NECAB1: variants seen among roughly 807,000 people sequenced by gnomAD.
NECAB1 encodes N-terminal EF-hand calcium binding protein 1.
NECAB1 carries 29 observed loss-of-function variants against 57.5 expected under a neutral mutation model. The observed-to-expected ratio is 0.50, with a 90% confidence interval of 0.38 to 0.69. The LOEUF is 0.69. NECAB1 is among the 30% of genes least tolerant of loss of function. The pLI, the probability that NECAB1 is intolerant of heterozygous loss-of-function variation, is 0.00. For missense variants in NECAB1, 372 were observed against 413.8 expected, an observed-to-expected ratio of 0.90 and a Z score of 0.88; for synonymous variants, 142 against 147.7, an observed-to-expected ratio of 0.96 and a Z score of 0.28.
intron 12 of NECAB1, among the ~76,000 whole-genome samples, chr8:90,955,108 TAAATTATATATATATATATA>T (rs1811002891): frequency 1.4e-5 from 1 of 73,494 alleles, no homozygotes; most frequent in Admixed American, 1.7e-4. Flanking sequence ...ATTGGGTATA[TAAATTATATATATATATATA>T]TATATATATA....
rs190678963 is a variant in NECAB1 at position 90,802,317 on chromosome 8, G to A, written c.124+602G>A. On this transcript the variant is annotated intron_variant, in intron 2 of 12. Transcript: ENST00000417640. ...CAGAGAAGTAGGAGATGGCAACCTCGAAGTAAAAACTTGCTCTGTTGATTT... is the reference window on the plus strand; with the variant it reads ...CAGAGAAGTAGGAGATGGCAACCTCAAAGTAAAAACTTGCTCTGTTGATTT... Among the ~76,000 whole-genome samples the A allele has an allele frequency of 1.3e-3, 193 of 152,278 alleles. 1 individual carries two copies. The highest frequency in any genetic ancestry group is 5.9e-5 in the Non-Finnish European group (4 of 68,014).
At chr8:90,889,520 G>C (rs1441298462) in intron 5 of NECAB1, among the ~76,000 whole-genome samples, 1 of 152,194 alleles carries the variant, frequency 6.6e-6, no homozygotes, top group Non-Finnish European at 1.5e-5. Context: ...AGTTTCTGTG[G>C]GTCAGGAATC....
chr8:90,932,932 A>G (rs1375966393), intron 8 of NECAB1, among the ~76,000 whole-genome samples: 3 of 152,166 alleles, frequency 2.0e-5, no homozygotes, highest in Admixed American at 6.5e-5. Context: ...TAAGGTCTTA[A>G]TTCTCAAAAG....
intron 10 of NECAB1, among the ~76,000 whole-genome samples, chr8:90,943,607 G>C (rs931534873): frequency 6.6e-6 from 1 of 152,188 alleles, no homozygotes; most frequent in African/African-American, 2.4e-5. Context: ...ATTGCCTAGT[G>C]CTTGGCTGAG....
chr8:90,873,357 T>G (rs766138268), intron 4 of NECAB1, among the ~76,000 whole-genome samples: 4 of 152,214 alleles, frequency 2.6e-5, no homozygotes, highest in Non-Finnish European at 4.4e-5. Flanking sequence ...CACAGTCAGA[T>G]AGTAGCATTG....
chr8:90,890,039 C>G (rs1272366051), intron 5 of NECAB1, among the ~76,000 whole-genome samples: 1 of 151,926 alleles, frequency 6.6e-6, no homozygotes, highest in Non-Finnish European at 1.5e-5. Flanking sequence ...TTATATCTAC[C>G]CCATTAAAAG....
At chr8:90,906,876 C>T (rs67442010) in intron 5 of NECAB1, among the ~76,000 whole-genome samples, 66,931 of 121,570 alleles carry the variant, frequency 0.55, 20,551 homozygotes, top group African/African-American at 0.86. Flanking sequence ...ATGATATACA[C>T]ATATATATAT....
At chr8:90,810,718 A>G (rs1811944677) in intron 2 of NECAB1, among the ~76,000 whole-genome samples, 1 of 152,158 alleles carries the variant, frequency 6.6e-6, no homozygotes, top group Non-Finnish European at 1.5e-5. Flanking sequence ...GAGCCCTTAC[A>G]AAATTTTACG....
At chr8:90,939,558 TTA>T (rs1810620732) in intron 9 of NECAB1, among the ~76,000 whole-genome samples, 1 of 152,190 alleles carries the variant, frequency 6.6e-6, no homozygotes, top group Non-Finnish European at 1.5e-5. Flanking sequence ...GTGGATGTAT[TTA>T]TATATCTCAT....
chr8:90,866,693 C>T (rs4735419), intron 3 of NECAB1, among the ~76,000 whole-genome samples: 63,170 of 151,978 alleles, frequency 0.42, 14,978 homozygotes, highest in East Asian at 0.77. Context: ...TGATACTGGT[C>T]ATTAGAGAAA....
At chr8:90,862,586 G>A (rs1205201912) in intron 3 of NECAB1, among the ~76,000 whole-genome samples, 2 of 152,062 alleles carry the variant, frequency 1.3e-5, no homozygotes. Flanking sequence ...GACATATGCA[G>A]GCTATTGAAG....
In NECAB1 at chr8:90,957,980, G is replaced by C. The variant is rs1811062668; in HGVS notation, c.*2468G>C. 6.6e-6 allele frequency: 1 copy of C among 150,866 alleles called. No homozygotes were observed. Among genetic ancestry groups the C allele is most frequent in the Non-Finnish European group, 1.5e-5 (1 of 67,556 alleles). The allele number at this position is 150,866 out of a possible 1,614,324, so 9.3% of individuals were successfully genotyped here. A position where few individuals can be genotyped will look rare whatever the true frequency, so the allele number is the denominator to read the frequency against. On this transcript the variant is annotated 3_prime_UTR_variant, in exon 13 of 13. Transcript: ENST00000417640. ...TACTGGTTTAGGAGTTCAAAATTCA[G>C]TGAAACAAACTTTTTGCCAATAGAC...
rs1811068726 is a variant in NECAB1 at position 90,958,301 on chromosome 8, T to C, written c.*2789T>C. The C allele has an allele frequency of 6.6e-6, 1 of 151,694 alleles. No individual in the cohort carries two copies. The highest frequency in any genetic ancestry group is 2.4e-5 in the African/African-American group (1 of 41,406). The allele number at this position is 151,694 out of a possible 1,614,324, so 9.4% of individuals were successfully genotyped here. On this transcript the variant is annotated 3_prime_UTR_variant, in exon 13 of 13. Transcript: ENST00000417640. ...TTTTACTTTGAAATTGCTCAACTTC[T>C]GCTATTCATATGGTCTGATTAGTGA...
intron 3 of NECAB1, among the ~76,000 whole-genome samples, chr8:90,841,447 A>G (rs1204489297): frequency 6.6e-6 from 1 of 152,224 alleles, no homozygotes; most frequent in Admixed American, 6.5e-5. Context: ...AAGATGCAAT[A>G]GTACCTTGTA....
chr8:90,825,443 A>G (rs1313078349), intron 3 of NECAB1, among the ~76,000 whole-genome samples: 1 of 151,894 alleles, frequency 6.6e-6, no homozygotes, highest in Non-Finnish European at 1.5e-5. Flanking sequence ...TAGGGTATAG[A>G]GCAATAGAAA....
chr8:90,918,002 G>GTA (rs1291053420), intron 6 of NECAB1, among the ~76,000 whole-genome samples: 25 of 134,500 alleles, frequency 1.9e-4, no homozygotes, highest in African/African-American at 2.5e-4. Flanking sequence ...ATGTGTGTGT[G>GTA]TATATATATA....
At chr8:90,864,115 T>C (rs1007113067) in intron 3 of NECAB1, among the ~76,000 whole-genome samples, 2 of 152,130 alleles carry the variant, frequency 1.3e-5, no homozygotes, top group Non-Finnish European at 2.9e-5. Flanking sequence ...TAGTAATTAG[T>C]TTTTATACTT....
intron 6 of NECAB1, among the ~76,000 whole-genome samples, chr8:90,924,792 A>G (rs1810218400): frequency 6.6e-6 from 1 of 152,096 alleles, no homozygotes; most frequent in African/African-American, 2.4e-5. Flanking sequence ...TCCTTACAAC[A>G]TTTCCATTTG....
At chr8:90,827,517 C>T (rs1333883353) in intron 3 of NECAB1, among the ~76,000 whole-genome samples, 1 of 152,076 alleles carries the variant, frequency 6.6e-6, no homozygotes, top group African/African-American at 2.4e-5. Context: ...GATTCTGTTC[C>T]TTGTGAAAGA....
Sources: gnomAD v4.1 joint callset for allele counts (sites outside exome capture counted in the v4.1 genomes callset) on GRCh38, gnomAD v4.1.1 for gene constraint, MANE v1.5 for transcripts, NCBI Gene and HGNC (gene_info 2026-07-23, HGNC 2026-07-21) for gene names.